Variants in UBE3B observed in about 807,000 individuals in gnomAD.
UBE3B encodes ubiquitin protein ligase E3B.
UBE3B carries 80 observed loss-of-function variants against 132.3 expected under a neutral mutation model. That is an observed-to-expected ratio of 0.60 (90% CI 0.50 to 0.73). The LOEUF (loss-of-function observed/expected upper bound fraction) is 0.73, where lower values mean the gene tolerates loss of function less well. Among genes scored for constraint, UBE3B ranks in the 30% least tolerant of loss-of-function variants. The probability of loss-of-function intolerance (pLI) is 0.00; values close to 1 mark genes in which losing one functional copy is unlikely to be tolerated. For missense variants in UBE3B, 1,196 were observed against 1,362.5 expected (o/e 0.88, Z 1.92); for synonymous variants, 487 against 520.4 (o/e 0.94, Z 0.87).
intron 26 of UBE3B, 111 bp downstream of exon 26, chr12:109,530,769 TAGTC>T (rs1420037585): frequency 9.6e-7 from 1 of 1,042,188 alleles, no homozygotes; most frequent in African/African-American, 1.6e-5. Context: ...GGACCTCAGA[TAGTC>T]AGCACATCCT....
chr12:109,505,614 G>A lies in UBE3B; in HGVS notation c.1451-1950G>A, dbSNP rs957534320. Among the ~76,000 whole-genome samples the A allele has an allele frequency of 2.0e-4, 30 of 152,170 alleles. 1 individual carries two copies. The highest frequency in any genetic ancestry group is 6.5e-5 in the Admixed American group (1 of 15,270). ...AGTTGAAAGACTAGTTATGAGTGGG[G>A]CACCTATGTCATCACCAACAGATCA... On this transcript the variant is annotated intron_variant, in intron 14 of 27. Transcript: ENST00000342494.
In UBE3B at chr12:109,533,785, C is replaced by G. The variant is rs535689858; in HGVS notation, c.3015+227C>G. 946 of 875,584 alleles carry G rather than the reference C, an allele frequency of 1.1e-3. 3 individuals are homozygous for G. Among genetic ancestry groups the G allele is most frequent in the South Asian group, 1.7e-3 (122 of 70,500 alleles). 54.2% of individuals were successfully genotyped at this position (875,584 alleles called of 1,614,324 possible). ...CTCTCTCGGCAGCCCCTTTCTCTTT[C>G]CTTCCTCAGGGAAGGGTACCTGGAG... On this transcript the variant is annotated intron_variant, in intron 27 of 27. Transcript: ENST00000342494.
At chr12:109,533,002 C>G (rs1333550529) in intron 26 of UBE3B, among the ~76,000 whole-genome samples, 1 of 152,212 alleles carries the variant, frequency 6.6e-6, no homozygotes, top group Non-Finnish European at 1.5e-5. Context: ...TCCCGGGCTC[C>G]CTCTGTTCGC....
At chr12:109,545,960 G>C in the UBE3B span, among the ~76,000 whole-genome samples, 2 of 152,168 alleles carry the variant, frequency 1.3e-5, no homozygotes, top group African/African-American at 4.8e-5. Context: ...GAAGCTCACC[G>C]GGTAGAGGGA....
chr12:109,498,333 GC>G lies in UBE3B; in HGVS notation c.922del (p.His308IlefsTer5). On this transcript the variant is annotated frameshift_variant, in exon 11 of 28. Transcript: ENST00000342494. LOFTEE classifies it high-confidence loss of function. ...GATGTATGTGAAAGTTTAGAAGGAT[GC>G]CATACGCTTTGTCTAATGGGTAAGT... ...CRDVCESLEG[C>X]HTLCLMGNLL... 1 of 1,614,046 alleles carries G rather than the reference GC, an allele frequency of 6.2e-7. No homozygotes were observed. Among genetic ancestry groups the G allele is most frequent in the African/African-American group, 1.3e-5 (1 of 75,030 alleles).
rs776582499 is a variant in UBE3B, at chr12:109,499,772, T to A, written c.1080T>A (p.His360Gln). 6.2e-7 allele frequency: 1 copy of A among 1,610,950 alleles called. No homozygotes were observed. The highest frequency in any genetic ancestry group is 1.1e-5 in the South Asian group (1 of 90,778). Residue 360 changes from histidine to glutamine, a missense_variant, in exon 12 of 28, where the codon CAT (histidine) becomes CAA (glutamine). Coordinates refer to ENST00000342494, the MANE Select transcript of UBE3B (RefSeq NM_130466.4). ...SQKKSNLTHWHPVLGWFSQSV... is the reference protein window; with the variant it reads ...SQKKSNLTHWQPVLGWFSQSV... ...AGAAGTCCAACCTGACCCACTGGCA[T>A]CCTGTCCTTGGCTGGTTCTCCCAAT...
intron 14 of UBE3B, among the ~76,000 whole-genome samples, chr12:109,504,377 G>A (rs1041371455): frequency 3.9e-5 from 6 of 152,248 alleles, no homozygotes; most frequent in African/African-American, 7.2e-5. Context: ...TAGCAATGGA[G>A]ATTAAGGCAG....
chr12:109,504,564 CTGTTG>C (rs1879412549), intron 14 of UBE3B, among the ~76,000 whole-genome samples: 2 of 152,224 alleles, frequency 1.3e-5, no homozygotes, highest in South Asian at 4.1e-4. Flanking sequence ...TGTGAGGAGT[CTGTTG>C]TGTTGTGGCT....
At chr12:109,481,862 TA>T (rs1566068438) in intron 2 of UBE3B, 120 bp downstream of exon 2, 1 of 152,208 alleles carries the variant, frequency 6.6e-6, no homozygotes, top group South Asian at 2.1e-4. Flanking sequence ...AGTGTTTTTT[TA>T]AAAAAGTTGA....
intron 26 of UBE3B, among the ~76,000 whole-genome samples, chr12:109,532,932 C>G (rs962871002): frequency 6.6e-6 from 1 of 152,234 alleles, no homozygotes; most frequent in African/African-American, 2.4e-5. Flanking sequence ...CCTGTGCAGT[C>G]CCCTCTGCAT....
rs550261725 is a variant in UBE3B, at chr12:109,504,998, A to G, written c.1450+1808A>G. Among the ~76,000 whole-genome samples the G allele has an allele frequency of 2.7e-5, 4 of 150,774 alleles. No homozygotes were observed. The East Asian group carries it at 7.8e-4, about 29-fold the overall frequency. On this transcript the variant is annotated intron_variant, in intron 14 of 27. Transcript: ENST00000342494. ...TTTTTTTTTTGTATTTTTAGTTGAG[A>G]CGGGGTTTCACTGTGTTAGCCAGGA... is the stretch of plus-strand genomic sequence containing the variant.
At chr12:109,527,385 G>C (rs979034212) in intron 24 of UBE3B, among the ~76,000 whole-genome samples, 1 of 152,166 alleles carries the variant, frequency 6.6e-6, no homozygotes, top group African/African-American at 2.4e-5. Context: ...TCAATCTCCC[G>C]CCGCCAGGCT....
At chr12:109,542,431 C>T in the UBE3B span, among the ~76,000 whole-genome samples, 18 of 152,194 alleles carry the variant, frequency 1.2e-4, no homozygotes, top group Non-Finnish European at 2.2e-4. Context: ...CAAATCCTCT[C>T]AATAGCTCTG....
intron 9 of UBE3B, chr12:109,492,193 A>G (rs1877558139): frequency 6.6e-6 from 1 of 152,234 alleles, no homozygotes. Flanking sequence ...CACCTGGTCT[A>G]GACTGTGCTT....
intron 15 of UBE3B, 25 bp from the exon 16 acceptor site, chr12:109,509,571 G>C (rs904043510): frequency 1.3e-6 from 2 of 1,513,036 alleles, no homozygotes; most frequent in East Asian, 2.3e-5. Flanking sequence ...GTGTGGAATT[G>C]TGGGTAATTT....
At chr12:109,523,914 C>T in intron 21 of UBE3B, 64 bp from the exon 22 acceptor site, 1 of 1,602,064 alleles carries the variant, frequency 6.2e-7, no homozygotes, top group Non-Finnish European at 8.5e-7. Flanking sequence ...CCCTGAGCCA[C>T]CCCAATCCAA....
the UBE3B span, among the ~76,000 whole-genome samples, chr12:109,544,261 C>T: frequency 8.3e-4 from 126 of 152,048 alleles, no homozygotes; most frequent in African/African-American, 2.8e-3. Context: ...GCCCAGCCCA[C>T]GTTGCTGCCA....
chr12:109,529,989 C>G lies in UBE3B; in HGVS notation c.2727C>G (p.Pro909=). 1.2e-6 allele frequency: 2 copies of G among 1,614,062 alleles called. No homozygotes were observed. Among genetic ancestry groups the G allele is most frequent in the Non-Finnish European group, 1.7e-6 (2 of 1,180,034 alleles). ...GCGGATTCCGTTCCATTATCAAACCCGAGTGGATCCGAATGTTCTCAACTC... is the reference window on the plus strand; with the variant it reads ...GCGGATTCCGTTCCATTATCAAACCGGAGTGGATCCGAATGTTCTCAACTC... The part of the protein sequence containing the change: ...LISGFRSIIK[P]EWIRMFSTPE... Residue 909 remains proline, a synonymous_variant, in exon 25 of 28, where the codon CCC becomes CCG. Coordinates refer to ENST00000342494, the MANE Select transcript of UBE3B (RefSeq NM_130466.4).
chr12:109,526,825 C>T (rs1331098371), intron 24 of UBE3B, among the ~76,000 whole-genome samples: 3 of 151,286 alleles, frequency 2.0e-5, no homozygotes, highest in South Asian at 2.1e-4. Context: ...GAGCCAAGAT[C>T]GCACCAGCGC....
Sources: allele counts gnomAD v4.1 joint callset (sites outside exome capture counted in the v4.1 genomes callset), GRCh38; gene constraint gnomAD v4.1.1; transcripts MANE v1.5; gene names NCBI Gene and HGNC (gene_info 2026-07-23, HGNC 2026-07-21).